Variants in IL7 observed in about 807,000 individuals in gnomAD.
IL7 encodes interleukin 7.
A neutral mutation model predicts 21.6 loss-of-function variants in IL7; 3 were observed. The ratio of observed to expected loss-of-function variants is 0.14; its 90% CI spans 0.06 to 0.36. The LOEUF is 0.36. Ranked by LOEUF, IL7 falls within the 10% of genes least tolerant of loss-of-function variation. The pLI is 1.00. For synonymous variants in IL7, 62 were observed against 68.1 expected (o/e 0.91, Z 0.44); for missense variants, 175 against 200.2 (o/e 0.87, Z 0.76).
chr8:78,776,225 C>A (rs1813133077), intron 2 of IL7, among the ~76,000 whole-genome samples: 1 of 151,958 alleles, frequency 6.6e-6, no homozygotes, highest in Non-Finnish European at 1.5e-5. Context: ...ACCTCTGCAG[C>A]CAATCTGATA....
rs145808276 is a variant in IL7, at chr8:78,747,241, A to G, written c.148-7159T>C. On this transcript the variant is annotated intron_variant, in intron 2 of 5. Coordinates refer to ENST00000263851, the MANE Select transcript of IL7 (RefSeq NM_000880.4). ...GGGTCTGTTGCCCAGGCTGGAGTGC[A>G]GTGGCATGGTCTCGGCTCACTGCAA... is the stretch of plus-strand genomic sequence containing the variant. 886 of 344,014 alleles carry G rather than the reference A, an allele frequency of 2.6e-3. 8 individuals carry two copies. Among genetic ancestry groups the G allele is most frequent in the African/African-American group, 0.021 (803 of 38,636 alleles). 21.3% of individuals were successfully genotyped at this position (344,014 alleles called of 1,614,324 possible). A position where few individuals can be genotyped will look rare whatever the true frequency, so the allele number is the denominator to read the frequency against.
At position 78,760,728 on chromosome 8, in the gene IL7, G is replaced by A. The variant is rs1586078587; in HGVS notation, c.148-20646C>T. ...TTATAGTAACTCTCAAAGGTTAGCT[G>A]AGATTCCAAGTTACCCTGGTGAGCT... On this transcript the variant is annotated intron_variant, in intron 2 of 5. Transcript: ENST00000263851. 5 of 1,570,024 alleles carry A rather than the reference G, an allele frequency of 3.2e-6. 1 individual carries two copies. The highest frequency in any genetic ancestry group is 3.5e-6 in the Non-Finnish European group (4 of 1,155,320).
chr8:78,797,954 T>G (rs1309080787), intron 2 of IL7, 118 bp downstream of exon 2: 4 of 696,838 alleles, frequency 5.7e-6, no homozygotes, highest in Non-Finnish European at 9.4e-6. Flanking sequence ...AATTTTATTC[T>G]ATAGTTACTT....
At chr8:78,760,752 C>A in intron 2 of IL7, 9 of 1,551,796 alleles carry the variant, frequency 5.8e-6, no homozygotes, top group Non-Finnish European at 7.8e-6. Context: ...CCCTGGTGAG[C>A]TCTGCGGAAT....
chr8:78,762,629 G>A (rs1487755450), intron 2 of IL7, among the ~76,000 whole-genome samples: 1 of 146,230 alleles, frequency 6.8e-6, no homozygotes, highest in Non-Finnish European at 1.5e-5. Flanking sequence ...TCTCATTGAA[G>A]ACATGAATTG....
chr8:78,681,333 A>C (rs1809769814), intron 4 of IL7, among the ~76,000 whole-genome samples: 1 of 152,224 alleles, frequency 6.6e-6, no homozygotes, highest in Non-Finnish European at 1.5e-5. Context: ...GATAAAAGAT[A>C]CTATGAGAAA....
At chr8:78,686,575 C>A in intron 3 of IL7, 2 of 1,535,050 alleles carry the variant, frequency 1.3e-6, no homozygotes, top group Non-Finnish European at 8.8e-7. Context: ...GGGTGGCAAA[C>A]TTCCTCCTCC....
chr8:78,792,284 C>T (rs562019004), intron 2 of IL7, among the ~76,000 whole-genome samples: 1 of 152,184 alleles, frequency 6.6e-6, no homozygotes, highest in South Asian at 2.1e-4. Context: ...CATAAATTAA[C>T]TCAATATGAA....
At chr8:78,796,201 A>G (rs1449117063) in intron 2 of IL7, among the ~76,000 whole-genome samples, 1 of 152,052 alleles carries the variant, frequency 6.6e-6, no homozygotes, top group Non-Finnish European at 1.5e-5. Flanking sequence ...AGACTTCTAG[A>G]ACAAACAAGT....
chr8:78,716,902 T>G, downstream of IL7, among the ~76,000 whole-genome samples: 1 of 152,184 alleles, frequency 6.6e-6, no homozygotes, highest in East Asian at 1.9e-4. Context: ...TCTTTTTTCC[T>G]CCTGCTCCCA....
At chr8:78,695,351 A>G (rs761804838) in intron 3 of IL7, among the ~76,000 whole-genome samples, 1 of 152,190 alleles carries the variant, frequency 6.6e-6, no homozygotes, top group Non-Finnish European at 1.5e-5. Flanking sequence ...AATAATTCCT[A>G]TTATATACAT....
intron 2 of IL7, among the ~76,000 whole-genome samples, chr8:78,771,984 T>C (rs1371890274): frequency 1.3e-5 from 2 of 152,140 alleles, no homozygotes; most frequent in African/African-American, 2.4e-5. Context: ...CTTCTTCTCC[T>C]GTGGGAAAAC....
At chr8:78,714,565 C>G (rs1811040827), downstream of IL7, among the ~76,000 whole-genome samples, 1 of 152,092 alleles carries the variant, frequency 6.6e-6, no homozygotes, top group African/African-American at 2.4e-5. Flanking sequence ...AATTCCCAAG[C>G]CTCTGCTTTT....
At chr8:78,747,961 G>T (rs1321237486) in intron 2 of IL7, among the ~76,000 whole-genome samples, 1 of 152,170 alleles carries the variant, frequency 6.6e-6, no homozygotes, top group Non-Finnish European at 1.5e-5. Flanking sequence ...AGTACCTTAG[G>T]GAAAAGGGGG....
intron 2 of IL7, chr8:78,762,187 A>G: frequency 1.3e-6 from 2 of 1,593,354 alleles, no homozygotes; most frequent in African/African-American, 2.7e-5. Flanking sequence ...TTGGTATTGC[A>G]TTATCTCGAA....
chr8:78,675,803 C>A (rs1809560262), exon 5 of IL7: 3 of 1,608,738 alleles, frequency 1.9e-6, no homozygotes, highest in Non-Finnish European at 2.5e-6. Flanking sequence ...GAGGTGTTGT[C>A]CAAGTTGGAG....
chr8:78,754,387 GA>G (rs1339255899), intron 2 of IL7, among the ~76,000 whole-genome samples: 1 of 152,112 alleles, frequency 6.6e-6, no homozygotes, highest in Non-Finnish European at 1.5e-5. Flanking sequence ...AAGGAAATAA[GA>G]GAGGACACAA....
chr8:78,744,081 T>C (rs1317566291), intron 2 of IL7, among the ~76,000 whole-genome samples: 1 of 151,360 alleles, frequency 6.6e-6, no homozygotes, highest in African/African-American at 2.4e-5. Context: ...GACCCACTTA[T>C]AGAAGCAGTC....
intron 2 of IL7, among the ~76,000 whole-genome samples, chr8:78,795,767 A>G (rs146915757): frequency 3.6e-4 from 55 of 152,266 alleles, no homozygotes; most frequent in African/African-American, 1.3e-3. Flanking sequence ...TGTCCAAATT[A>G]GCAAGAAATC....
Sources: gnomAD v4.1 joint callset for allele counts (sites outside exome capture counted in the v4.1 genomes callset) on GRCh38, gnomAD v4.1.1 for gene constraint, MANE v1.5 for transcripts, NCBI Gene and HGNC (gene_info 2026-07-23, HGNC 2026-07-21) for gene names.